Variants in CNTNAP4 observed in about 807,000 individuals in gnomAD.
The protein encoded by CNTNAP4 is contactin associated protein family member 4.
In CNTNAP4, 98 loss-of-function variants were observed where a neutral mutation model predicts 148.4. The ratio of observed to expected loss-of-function variants is 0.66; its 90% CI spans 0.56 to 0.78. CNTNAP4 has a LOEUF of 0.78. Ranked by LOEUF, CNTNAP4 falls within the 30% of genes least tolerant of loss-of-function variation. The probability of loss-of-function intolerance (pLI) is 0.00; values close to 1 mark genes in which losing one functional copy is unlikely to be tolerated. For synonymous variants in CNTNAP4, 730 were observed against 565.1 expected, an observed-to-expected ratio of 1.29 and a Z score of -4.14; for missense variants, 1,935 against 1,565.6, an observed-to-expected ratio of 1.24 and a Z score of -3.98.
intron 8 of CNTNAP4, among the ~76,000 whole-genome samples, chr16:76,461,065 T>C (rs1386141262): frequency 1.3e-5 from 2 of 151,908 alleles, no homozygotes; most frequent in Non-Finnish European, 2.9e-5. Context: ...GCACCCTAAC[T>C]CATGCGTGAA....
chr16:76,455,318 C>T (rs1597599133), intron 8 of CNTNAP4, among the ~76,000 whole-genome samples: 1 of 152,140 alleles, frequency 6.6e-6, no homozygotes, highest in African/African-American at 2.4e-5. Flanking sequence ...GAAAATCAGG[C>T]TTATAACCAT....
chr16:76,280,115 C>A (rs1390483692), intron 1 of CNTNAP4, among the ~76,000 whole-genome samples: 1 of 152,014 alleles, frequency 6.6e-6, no homozygotes. Flanking sequence ...TTGGAAATAA[C>A]TGAATATAAA....
intron 3 of CNTNAP4, among the ~76,000 whole-genome samples, chr16:76,369,388 G>A (rs983755911): frequency 1.3e-5 from 2 of 152,166 alleles, no homozygotes; most frequent in African/African-American, 4.8e-5. Flanking sequence ...TACATGAAAT[G>A]GGAACTGGTT....
intron 1 of CNTNAP4, among the ~76,000 whole-genome samples, chr16:76,277,994 G>A (rs1465868473): frequency 3.9e-5 from 6 of 152,160 alleles, no homozygotes; most frequent in African/African-American, 1.2e-4. Flanking sequence ...TGGTCTTTGA[G>A]TATTCATTGA....
intron 3 of CNTNAP4, among the ~76,000 whole-genome samples, chr16:76,374,242 G>A (rs2015177779): frequency 6.6e-6 from 1 of 152,102 alleles, no homozygotes; most frequent in Non-Finnish European, 1.5e-5. Context: ...ATTACATTAT[G>A]TTCAGAATAA....
chr16:76,554,798 G>C (rs1053792833), intron 23 of CNTNAP4, among the ~76,000 whole-genome samples: 14 of 151,726 alleles, frequency 9.2e-5, no homozygotes, highest in Non-Finnish European at 1.9e-4. Flanking sequence ...AGGTGACTTA[G>C]AGTTCTTCCT....
intron 2 of CNTNAP4, among the ~76,000 whole-genome samples, chr16:76,348,379 G>C (rs1279744661): frequency 1.3e-5 from 2 of 151,870 alleles, no homozygotes; most frequent in East Asian, 1.9e-4. Context: ...TTATGAATAA[G>C]GGAATTTTTG....
intron 1 of CNTNAP4, chr16:76,309,935 C>G: frequency 1.4e-6 from 1 of 701,086 alleles, no homozygotes; most frequent in Non-Finnish European, 2.6e-6. Context: ...CTTTTTCTTC[C>G]CCGTCTCGGG....
intron 3 of CNTNAP4, among the ~76,000 whole-genome samples, chr16:76,414,791 G>C (rs1460266446): frequency 2.6e-5 from 4 of 151,318 alleles, no homozygotes; most frequent in Non-Finnish European, 5.9e-5. Context: ...TGTAAAATTA[G>C]TGGCATAATT....
intron 1 of CNTNAP4, among the ~76,000 whole-genome samples, chr16:76,299,506 A>G (rs1284425183): frequency 3.3e-5 from 5 of 152,126 alleles, no homozygotes; most frequent in Non-Finnish European, 1.5e-5. Flanking sequence ...CAGGTGCTGG[A>G]GAGGATGTGG....
chr16:76,460,773 A>AAAAAAAAGATATATATATATAT, intron 8 of CNTNAP4, among the ~76,000 whole-genome samples: 1 of 57,324 alleles, frequency 1.7e-5, no homozygotes, highest in Non-Finnish European at 3.3e-5. Flanking sequence ...AAAAAAAAAA[A>AAAAAAAAGATATATATATATAT]ATATATATAT....
intron 3 of CNTNAP4, among the ~76,000 whole-genome samples, chr16:76,399,236 C>T (rs2078318848): frequency 6.6e-6 from 1 of 152,118 alleles, no homozygotes; most frequent in Non-Finnish European, 1.5e-5. Context: ...ACTTTGCTAA[C>T]TGTGTAGTCT....
intron 2 of CNTNAP4, among the ~76,000 whole-genome samples, chr16:76,321,327 C>T (rs538250607): frequency 5.9e-5 from 9 of 152,158 alleles, no homozygotes; most frequent in African/African-American, 2.2e-4. Context: ...TTTTGACTGC[C>T]CTAAATTGTT....
At position 76,462,117 on chromosome 16, in the gene CNTNAP4, T is replaced by C; in HGVS notation, c.1483+12T>C. On this transcript the variant is annotated intron_variant, in intron 9 of 23. Coordinates refer to ENST00000611870, the MANE Select transcript of CNTNAP4 (RefSeq NM_033401.5). ...CTATTATTTTGGAGGTAAGAATAGG[T>C]GCCAGGCTCTATGAGCAACTGAACC... 1 of 1,608,666 alleles carries C rather than the reference T, an allele frequency of 6.2e-7. No homozygotes were observed. The highest frequency in any genetic ancestry group is 8.5e-7 in the Non-Finnish European group (1 of 1,176,540).
rs1253662162 is a variant in CNTNAP4 at position 76,294,275 on chromosome 16, G to A, written c.85+16528G>A. 2.6e-5 allele frequency among the ~76,000 whole-genome samples: 4 copies of A among 152,156 alleles called. No homozygotes were observed. The East Asian group carries it at 7.7e-4, about 29-fold the overall frequency. On this transcript the variant is annotated intron_variant, in intron 1 of 23. Coordinates refer to ENST00000611870, the MANE Select transcript of CNTNAP4 (RefSeq NM_033401.5). ...AGACTGTGATCCATACTACACTTCA[G>A]TATGGATTCCTGATCTAATACAATT...
chr16:76,328,950 A>G (rs931445064), intron 2 of CNTNAP4, among the ~76,000 whole-genome samples: 1 of 152,206 alleles, frequency 6.6e-6, no homozygotes, highest in Non-Finnish European at 1.5e-5. Flanking sequence ...GTAAGGTATT[A>G]ATAGGACAGG....
chr16:76,434,189 A>G (rs1429728506), intron 4 of CNTNAP4, among the ~76,000 whole-genome samples: 1 of 151,118 alleles, frequency 6.6e-6, no homozygotes, highest in African/African-American at 2.4e-5. Context: ...GAGTTTATTA[A>G]GTATTATTAA....
chr16:76,496,433 A>G (rs530650632), intron 14 of CNTNAP4, among the ~76,000 whole-genome samples: 3 of 152,260 alleles, frequency 2.0e-5, no homozygotes, highest in African/African-American at 7.2e-5. Flanking sequence ...GCTAATGGTG[A>G]AGTAACTTGC....
At chr16:76,412,920 G>A (rs981821691) in intron 3 of CNTNAP4, among the ~76,000 whole-genome samples, 21 of 151,400 alleles carry the variant, frequency 1.4e-4, no homozygotes, top group Non-Finnish European at 2.7e-4. Context: ...TCACATTTAT[G>A]TCTACAGTCT....
Sources: gnomAD v4.1 joint callset for allele counts (sites outside exome capture counted in the v4.1 genomes callset) on GRCh38, gnomAD v4.1.1 for gene constraint, MANE v1.5 for transcripts, NCBI Gene and HGNC (gene_info 2026-07-23, HGNC 2026-07-21) for gene names.